The following SPEF2 variants were observed in gnomAD, a reference collection of about 807,000 sequenced individuals.
The protein encoded by SPEF2 is sperm flagella and cilia-associated protein 2.
In SPEF2, 187 loss-of-function variants were observed where a neutral mutation model predicts 224.6. The observed-to-expected ratio is 0.83, with a 90% CI of 0.74 to 0.94. The LOEUF (loss-of-function observed/expected upper bound fraction) is 0.94, where lower values mean the gene tolerates loss of function less well. SPEF2 is among the 40% of genes least tolerant of loss of function. SPEF2 has a pLI of 0.00. For missense variants in SPEF2, 2,170 were observed against 2,135.6 expected, an observed-to-expected ratio of 1.02 and a Z score of -0.32; for synonymous variants, 715 against 707.3, an observed-to-expected ratio of 1.01 and a Z score of -0.17.
chr5:35,681,317 C>A (rs1264603952), intron 10 of SPEF2, among the ~76,000 whole-genome samples: 1 of 152,134 alleles, frequency 6.6e-6, no homozygotes, highest in Non-Finnish European at 1.5e-5. Flanking sequence ...TATGAGTGAA[C>A]TGGCCTTTAA....
At chr5:35,715,288 T>A (rs919207441) in intron 20 of SPEF2, among the ~76,000 whole-genome samples, 1 of 152,062 alleles carries the variant, frequency 6.6e-6, no homozygotes, top group African/African-American at 2.4e-5. Flanking sequence ...AAGACTTATG[T>A]TTTCACTCAA....
chr5:35,671,354 A>G, intron 10 of SPEF2: 1 of 957,498 alleles, frequency 1.0e-6, no homozygotes, highest in Non-Finnish European at 1.2e-6. Flanking sequence ...CTATATTTTA[A>G]TTAAATGAAT....
rs1256761264 is a variant in SPEF2, at chr5:35,654,595, A to T, written c.847A>T (p.Thr283Ser). 6.2e-7 allele frequency: 1 copy of T among 1,613,224 alleles called. No individual in the cohort carries two copies. Among genetic ancestry groups the T allele is most frequent in the South Asian group, 1.1e-5 (1 of 90,790 alleles). The stretch of plus-strand genomic sequence containing the variant: ...CCAGACAACCACCGATTTGTTAAAT[A>T]CTTACTCAGATGACGAGTACATTAA... ...AGQTTTDLLN[T>S]YSDDEYIKKI... The change falls in exon 7 of 37, where the codon ACT becomes TCT. Residue 283 changes from threonine (T) to serine (S), a missense_variant. Physicochemically the swap from Thr to Ser is moderately conservative, Grantham distance 58. Transcript: ENST00000356031.
In SPEF2 at chr5:35,779,131, C is replaced by A; in HGVS notation, c.4232C>A (p.Thr1411Asn). Residue 1411 changes from threonine (T) to asparagine (N), a missense_variant, in exon 30 of 37, where the codon ACT becomes AAT. Thr to Asn is a moderately conservative substitution (Grantham distance 65). Transcript: ENST00000356031. ...LNEMASTEKL[T>N]DVARYHIETS... is the part of the protein sequence containing the mutation. ...ACCACTTTCAGTACAGAAAAATTAACTGACGTAGCTCGCTATCACATTGAA... is the reference window on the plus strand; with the variant it reads ...ACCACTTTCAGTACAGAAAAATTAAATGACGTAGCTCGCTATCACATTGAA... 6.2e-7 allele frequency: 1 copy of A among 1,612,128 alleles called. No homozygotes were observed. The highest frequency in any genetic ancestry group is 8.5e-7 in the Non-Finnish European group (1 of 1,179,166).
intron 15 of SPEF2, chr5:35,699,510 CAG>C (rs1453517349): frequency 3.3e-5 from 5 of 152,124 alleles, no homozygotes; most frequent in Non-Finnish European, 7.3e-5. Flanking sequence ...TTGTGTTAAA[CAG>C]AGAAATATAA....
chr5:35,654,424 T>C, intron 6 of SPEF2, 116 bp from the exon 7 acceptor site: 1 of 769,802 alleles, frequency 1.3e-6, no homozygotes, highest in South Asian at 2.9e-5. Context: ...CTTGTATTAA[T>C]AAATTAACAG....
rs1012737306 is a variant in SPEF2, at chr5:35,783,044, A to G, written c.4447+3698A>G. ...TAACAAAGATCCATACTTTAGAAGC[A>G]TAAGAACAGTATGAGTAAAAGAAAG... On this transcript the variant is annotated intron_variant, in intron 30 of 36. Transcript: ENST00000356031. Among the ~76,000 whole-genome samples the G allele has an allele frequency of 3.5e-4, 54 of 152,246 alleles. 1 individual carries two copies. The highest frequency in any genetic ancestry group is 1.3e-4 in the Admixed American group (2 of 15,286).
At chr5:35,620,929 G>A (rs758507115) in intron 1 of SPEF2, among the ~76,000 whole-genome samples, 41 of 152,182 alleles carry the variant, frequency 2.7e-4, no homozygotes, top group African/African-American at 8.0e-4. Context: ...TATGGTTTGC[G>A]TAAGTGTAGA....
At chr5:35,811,237 T>C (rs1055406570) in intron 36 of SPEF2, among the ~76,000 whole-genome samples, 1 of 152,124 alleles carries the variant, frequency 6.6e-6, no homozygotes, top group African/African-American at 2.4e-5. Flanking sequence ...CACATTTTTA[T>C]AATACACTTC....
Position 35,704,576 on chromosome 5 carries a change from T to C in SPEF2, c.2421T>C (p.Thr807=), listed in dbSNP as rs1401096129. Residue 807 remains threonine (T), a synonymous_variant, in exon 17 of 37, where the codon ACT becomes ACC. Transcript: ENST00000356031. ...DIIAEELSYK[T]AHEDISQRVA... ...TAGCTGAAGAATTGTCCTATAAAAC[T>C]GCTCACGAAGATATCAGTCAACGTG... The C allele has an allele frequency of 1.2e-6, 2 of 1,611,174 alleles. No homozygotes were observed. The highest frequency in any genetic ancestry group is 1.7e-5 in the Admixed American group (1 of 59,504).
At chr5:35,785,448 A>C (rs889598342) in intron 30 of SPEF2, among the ~76,000 whole-genome samples, 5 of 152,204 alleles carry the variant, frequency 3.3e-5, no homozygotes, top group Admixed American at 3.3e-4. Context: ...TGTCCATAGA[A>C]CTAAAATTCT....
intron 6 of SPEF2, among the ~76,000 whole-genome samples, chr5:35,653,352 G>A (rs1339458704): frequency 6.6e-6 from 1 of 152,190 alleles, no homozygotes; most frequent in Non-Finnish European, 1.5e-5. Flanking sequence ...TTCAACTGCT[G>A]TGTTTTCAAT....
At chr5:35,777,854 A>G (rs1406667509) in intron 29 of SPEF2, among the ~76,000 whole-genome samples, 1 of 152,040 alleles carries the variant, frequency 6.6e-6, no homozygotes, top group Non-Finnish European at 1.5e-5. Context: ...TAAAGGTATT[A>G]TTCTACTAGT....
intron 21 of SPEF2, among the ~76,000 whole-genome samples, chr5:35,733,553 C>A (rs1467791262): frequency 6.6e-6 from 1 of 152,168 alleles, no homozygotes; most frequent in African/African-American, 2.4e-5. Context: ...AAGAGAGAAT[C>A]TCAGTCTGAG....
chr5:35,700,366 C>A, intron 15 of SPEF2, 130 bp from the exon 16 acceptor site: 1 of 811,956 alleles, frequency 1.2e-6, no homozygotes. Context: ...AATCTTTTAG[C>A]TATGAAGTAA....
intron 34 of SPEF2, among the ~76,000 whole-genome samples, chr5:35,804,148 C>T (rs1050208795): frequency 6.6e-6 from 1 of 152,218 alleles, no homozygotes; most frequent in African/African-American, 2.4e-5. Context: ...CTCTTTGAGG[C>T]TTTGCCCACA....
At chr5:35,701,146 T>C (rs1256679646) in intron 16 of SPEF2, among the ~76,000 whole-genome samples, 25 of 152,212 alleles carry the variant, frequency 1.6e-4, no homozygotes. Context: ...AACATCCTTT[T>C]CTTGGACTGG....
intron 23 of SPEF2, among the ~76,000 whole-genome samples, chr5:35,745,816 T>A (rs1748434408): frequency 6.6e-6 from 1 of 152,202 alleles, no homozygotes; most frequent in Non-Finnish European, 1.5e-5. Flanking sequence ...TCCACGCTAC[T>A]ACAGCTGATG....
rs772553671 is a variant in SPEF2 at position 35,793,136 on chromosome 5, A to G, written c.4555-23A>G. 1.1e-5 allele frequency: 17 copies of G among 1,603,888 alleles called. No individual in the cohort carries two copies. The South Asian group carries it at 1.9e-4, about 18-fold the overall frequency. On this transcript the variant is annotated intron_variant, in intron 31 of 36. Coordinates refer to ENST00000356031, the MANE Select transcript of SPEF2 (RefSeq NM_024867.4). ...AGATAGATTCATGTAGATATTCCAA[A>G]GATATTTCCTGTTTTCTTCTAGTTA...
Sources: gnomAD v4.1 joint callset for allele counts (sites outside exome capture counted in the v4.1 genomes callset) on GRCh38, gnomAD v4.1.1 for gene constraint, MANE v1.5 for transcripts, NCBI Gene and HGNC (gene_info 2026-07-23, HGNC 2026-07-21) for gene names.